Variants in OR14A2 observed in about 807,000 individuals in gnomAD.
The protein encoded by OR14A2 is olfactory receptor family 14 subfamily A member 2.
For missense variants in OR14A2, 237 were observed against 152.9 expected (o/e 1.55, Z -2.90); for synonymous variants, 114 against 58.6 (o/e 1.95, Z -4.32).
chr1:247,743,142 A>G, the OR14A2 span, among the ~76,000 whole-genome samples: 1 of 152,166 alleles, frequency 6.6e-6, no homozygotes, highest in African/African-American at 2.4e-5. Flanking sequence ...AATTATTTCC[A>G]GTGAAAGTTT....
chr1:247,737,707 CAA>C, the OR14A2 span, among the ~76,000 whole-genome samples: 8 of 152,034 alleles, frequency 5.3e-5, no homozygotes, highest in Non-Finnish European at 8.8e-5. Flanking sequence ...AAAGTAAAAT[CAA>C]GAGAGGTTCT....
At chr1:247,748,093 A>T in the OR14A2 span, among the ~76,000 whole-genome samples, 2 of 152,216 alleles carry the variant, frequency 1.3e-5, no homozygotes, top group Non-Finnish European at 2.9e-5. Flanking sequence ...TCATTTTCAA[A>T]TATGACATTC....
At chr1:247,746,355 G>A in the OR14A2 span, 11 of 152,166 alleles carry the variant, frequency 7.2e-5, no homozygotes, top group Non-Finnish European at 1.2e-4. Context: ...CATCTCCCTG[G>A]TATCCACTGG....
At chr1:247,723,218 A>G (rs1205940208) in exon 1 of OR14A2, 1 of 717,760 alleles carries the variant, frequency 1.4e-6, no homozygotes, top group Non-Finnish European at 2.6e-6. Context: ...ATCACAGTGT[A>G]GATCACAGAA....
chr1:247,728,597 T>G (rs937904573), upstream of OR14A2, among the ~76,000 whole-genome samples: 1 of 151,928 alleles, frequency 6.6e-6, no homozygotes. Flanking sequence ...GAGAAGGAAA[T>G]AAAGGGTATT....
chr1:247,724,568 CCTT>C (rs1660287891), upstream of OR14A2, among the ~76,000 whole-genome samples: 1 of 152,054 alleles, frequency 6.6e-6, no homozygotes, highest in African/African-American at 2.4e-5. Context: ...AGGTAAATAA[CCTT>C]CTCTATTCTA....
the OR14A2 span, among the ~76,000 whole-genome samples, chr1:247,741,875 A>G: frequency 2.6e-5 from 4 of 152,216 alleles, no homozygotes; most frequent in African/African-American, 9.6e-5. Flanking sequence ...ACCTACGTGC[A>G]TCAGATGGAG....
At chr1:247,742,560 G>C in the OR14A2 span, among the ~76,000 whole-genome samples, 1 of 152,194 alleles carries the variant, frequency 6.6e-6, no homozygotes, top group African/African-American at 2.4e-5. Flanking sequence ...GACCTCACCA[G>C]TAGCTAATTA....
At chr1:247,732,021 T>C in the OR14A2 span, among the ~76,000 whole-genome samples, 2 of 152,294 alleles carry the variant, frequency 1.3e-5, no homozygotes, top group South Asian at 4.1e-4. Context: ...CATTTCTTCA[T>C]TGGTCTTGAA....
the OR14A2 span, among the ~76,000 whole-genome samples, chr1:247,734,139 A>T: frequency 6.6e-6 from 1 of 152,314 alleles, no homozygotes; most frequent in South Asian, 2.1e-4. Context: ...TAAAGAGCTT[A>T]TTAAGATAAA....
At chr1:247,724,029 G>T in exon 1 of OR14A2, 1 of 711,410 alleles carries the variant, frequency 1.4e-6, no homozygotes, top group South Asian at 1.5e-5. Context: ...CTGTCACCAA[G>T]GTGACATTGG....
upstream of OR14A2, among the ~76,000 whole-genome samples, chr1:247,724,305 A>G (rs779416941): frequency 2.6e-5 from 4 of 152,066 alleles, no homozygotes; most frequent in Non-Finnish European, 5.9e-5. Flanking sequence ...TATAGCCTCA[A>G]ACTTAATTTG....
the OR14A2 span, among the ~76,000 whole-genome samples, chr1:247,742,095 G>A: frequency 6.6e-6 from 1 of 152,174 alleles, no homozygotes; most frequent in Admixed American, 6.6e-5. Context: ...TGCACTTTTG[G>A]AAAGCTTCTT....
the OR14A2 span, chr1:247,738,722 T>A: frequency 9.0e-6 from 7 of 780,886 alleles, no homozygotes; most frequent in Non-Finnish European, 1.4e-5. Flanking sequence ...ACCTCACGGC[T>A]GTGCTGATGA....
the OR14A2 span, among the ~76,000 whole-genome samples, chr1:247,732,795 T>C: frequency 1.3e-5 from 2 of 152,118 alleles, no homozygotes; most frequent in Non-Finnish European, 2.9e-5. Context: ...CACAACAACA[T>C]GGATGAATCT....
At chr1:247,736,232 C>A in the OR14A2 span, among the ~76,000 whole-genome samples, 168 of 148,832 alleles carry the variant, frequency 1.1e-3, no homozygotes, top group African/African-American at 4.0e-3. Context: ...ATATTCTTGA[C>A]AAAAGTGATA....
chr1:247,725,513 A>AT (rs1014481153), upstream of OR14A2, among the ~76,000 whole-genome samples: 2 of 143,038 alleles, frequency 1.4e-5, no homozygotes, highest in Non-Finnish European at 3.0e-5. Flanking sequence ...TTATTTATTT[A>AT]TTTTTTATTT....
At chr1:247,739,276 C>G in the OR14A2 span, 6 of 780,750 alleles carry the variant, frequency 7.7e-6, no homozygotes, top group Non-Finnish European at 1.4e-5. Flanking sequence ...TACATTTTCT[C>G]TGCTGTGTTA....
the OR14A2 span, among the ~76,000 whole-genome samples, chr1:247,742,340 C>T: frequency 7.3e-6 from 1 of 137,684 alleles, no homozygotes; most frequent in African/African-American, 2.8e-5. Context: ...AATCTGACAT[C>T]ACAAGATTGA....
Sources: gnomAD v4.1 joint callset for allele counts (sites outside exome capture counted in the v4.1 genomes callset) on GRCh38, gnomAD v4.1.1 for gene constraint, MANE v1.5 for transcripts, NCBI Gene and HGNC (gene_info 2026-07-23, HGNC 2026-07-21) for gene names.